Variants in MBD2 observed in about 807,000 individuals in gnomAD.
The protein encoded by MBD2 is methyl-CpG-binding domain protein 2.
A neutral mutation model predicts 39.3 loss-of-function variants in MBD2; 9 were observed. The observed-to-expected ratio is 0.23, with a 90% CI of 0.14 to 0.40. MBD2 has a LOEUF of 0.40. Among genes scored for constraint, MBD2 ranks in the 10% least tolerant of loss-of-function variants. The pLI is 1.00. For missense variants in MBD2, 458 were observed against 532.6 expected (o/e 0.86, Z 1.38); for synonymous variants, 233 against 211.1 (o/e 1.10, Z -0.90).
chr18:54,215,594 CA>C (rs1183514869), intron 1 of MBD2, among the ~76,000 whole-genome samples: 1 of 150,636 alleles, frequency 6.6e-6, no homozygotes, highest in East Asian at 2.0e-4. Flanking sequence ...CTCCCTGGTT[CA>C]AGCAATTCTC....
chr18:54,158,504 G>T (rs954137190), intron 6 of MBD2, among the ~76,000 whole-genome samples: 1 of 152,154 alleles, frequency 6.6e-6, no homozygotes. Context: ...GATGGAAGCC[G>T]GGAAGCAAGA....
At chr18:54,187,175 A>T (rs1011276430) in intron 3 of MBD2, among the ~76,000 whole-genome samples, 3 of 152,210 alleles carry the variant, frequency 2.0e-5, no homozygotes, top group Non-Finnish European at 4.4e-5. Context: ...TAAATAAAAC[A>T]TTTGGGTTTA....
intron 1 of MBD2, among the ~76,000 whole-genome samples, chr18:54,206,669 A>G (rs1026448891): frequency 6.7e-6 from 1 of 149,768 alleles, no homozygotes; most frequent in Non-Finnish European, 1.5e-5. Flanking sequence ...TGCTATCAAC[A>G]TTCTTTTTCC....
intron 2 of MBD2, among the ~76,000 whole-genome samples, chr18:54,202,052 A>C (rs530936433): frequency 3.3e-5 from 5 of 152,078 alleles, no homozygotes; most frequent in Non-Finnish European, 7.4e-5. Context: ...AGAGTTTAAA[A>C]ACAAAACATG....
chr18:54,158,178 C>T (rs976795381), intron 6 of MBD2, among the ~76,000 whole-genome samples: 2 of 152,078 alleles, frequency 1.3e-5, no homozygotes, highest in African/African-American at 4.8e-5. Context: ...ACTAGGTTCA[C>T]CACCCACACA....
intron 6 of MBD2, among the ~76,000 whole-genome samples, chr18:54,158,105 C>T (rs1326591584): frequency 6.6e-6 from 1 of 152,140 alleles, no homozygotes; most frequent in Non-Finnish European, 1.5e-5. Context: ...GTGATTCCTG[C>T]TAATTTTCAT....
intron 2 of MBD2, among the ~76,000 whole-genome samples, chr18:54,200,540 A>G (rs1187518967): frequency 6.6e-6 from 1 of 152,206 alleles, no homozygotes; most frequent in Admixed American, 6.5e-5. Context: ...CAATTTTAGT[A>G]TCATCTTGCC....
At chr18:54,178,798 A>G (rs571587786) in intron 3 of MBD2, among the ~76,000 whole-genome samples, 2 of 152,296 alleles carry the variant, frequency 1.3e-5, no homozygotes, top group South Asian at 4.1e-4. Context: ...TTTGGATACT[A>G]CCAATATCAG....
At chr18:54,202,953 G>C (rs1360137976) in intron 2 of MBD2, 2 of 985,226 alleles carry the variant, frequency 2.0e-6, no homozygotes. Context: ...CCCAGAGATG[G>C]AGACAATGAA....
At chr18:54,223,988 G>T in intron 1 of MBD2, 30 bp downstream of exon 1, 3 of 452,954 alleles carry the variant, frequency 6.6e-6, no homozygotes, top group Non-Finnish European at 7.4e-6. Flanking sequence ...GCCTGACCCC[G>T]CCACCCCCTC....
At position 54,224,578 on chromosome 18, in the gene MBD2, G is replaced by C. The variant is rs1443382659; in HGVS notation, c.-19C>G. 3.3e-6 allele frequency: 4 copies of C among 1,209,436 alleles called. No individual in the cohort carries two copies. Among genetic ancestry groups the C allele is most frequent in the Admixed American group, 4.3e-5 (1 of 23,160 alleles). The allele number at this position is 1,209,436 out of a possible 1,614,324, so 74.9% of individuals were successfully genotyped here. A position where few individuals can be genotyped will look rare whatever the true frequency, so the allele number is the denominator to read the frequency against. ...CGCGCATCCAGCCCCCTCCCCAGCCGGCGCTGCGCTTCTTCCGTAACCGAG... is the reference window on the plus strand; with the variant it reads ...CGCGCATCCAGCCCCCTCCCCAGCCCGCGCTGCGCTTCTTCCGTAACCGAG... On this transcript the variant is annotated 5_prime_UTR_variant, in exon 1 of 7. Transcript: ENST00000256429.
chr18:54,163,856 G>C (rs1172547139), intron 5 of MBD2, among the ~76,000 whole-genome samples: 12 of 151,848 alleles, frequency 7.9e-5, no homozygotes, highest in Non-Finnish European at 1.5e-5. Context: ...GAGGCAATCA[G>C]AAAAGGCATA....
At chr18:54,166,802 T>C (rs1269263976) in intron 3 of MBD2, among the ~76,000 whole-genome samples, 1 of 152,250 alleles carries the variant, frequency 6.6e-6, no homozygotes, top group East Asian at 1.9e-4. Flanking sequence ...ATTACGGGCA[T>C]CAGTGAGTAC....
chr18:54,189,745 G>A (rs1056267634), intron 2 of MBD2, among the ~76,000 whole-genome samples: 7 of 151,964 alleles, frequency 4.6e-5, no homozygotes, highest in Admixed American at 2.0e-4. Flanking sequence ...GACCTCCTGG[G>A]CTCAAGCAAT....
In MBD2 at chr18:54,159,889, C is replaced by A; in HGVS notation, c.1124G>T (p.Arg375Leu). 1.9e-6 allele frequency: 3 copies of A among 1,612,244 alleles called. No homozygotes were observed. Among genetic ancestry groups the A allele is most frequent in the Non-Finnish European group, 1.7e-6 (2 of 1,180,006 alleles). ...TDEDIRKQEERVQQVRKKLEE... is the reference protein window; with the variant it reads ...TDEDIRKQEELVQQVRKKLEE... The stretch of plus-strand genomic sequence containing the variant: ...CAATTTCTTGCGTACTTGCTGTACT[C>A]GCTCTTCCTGTTTCCTTTTTAAAAA... Residue 375 changes from arginine to leucine, a missense_variant, in exon 6 of 7, where the codon CGA becomes CTA. Arg to Leu is a moderately radical substitution (Grantham distance 102, BLOSUM62 -2). This residue lies in a region of MBD2 where 189 missense variants were observed against 296.6 expected (regional missense o/e 0.64). Coordinates refer to ENST00000256429, the MANE Select transcript of MBD2 (RefSeq NM_003927.5).
At chr18:54,175,476 C>T (rs1044641012) in intron 3 of MBD2, among the ~76,000 whole-genome samples, 1 of 152,234 alleles carries the variant, frequency 6.6e-6, no homozygotes, top group Non-Finnish European at 1.5e-5. Context: ...CTACCTCCTC[C>T]TCATCTTGCC....
chr18:54,223,373 C>T (rs1031655188), intron 1 of MBD2, among the ~76,000 whole-genome samples: 6 of 152,316 alleles, frequency 3.9e-5, no homozygotes, highest in African/African-American at 1.4e-4. Flanking sequence ...CCTCTACCCA[C>T]TAGATGCCAG....
intron 3 of MBD2, among the ~76,000 whole-genome samples, chr18:54,179,421 C>T (rs966407002): frequency 6.6e-6 from 1 of 152,022 alleles, no homozygotes; most frequent in Admixed American, 6.6e-5. Flanking sequence ...AAGAAAAGTA[C>T]AAGTCAATTT....
At chr18:54,157,263 ATTTT>A (rs113156706) in intron 6 of MBD2, among the ~76,000 whole-genome samples, 1 of 143,948 alleles carries the variant, frequency 6.9e-6, no homozygotes, top group Admixed American at 7.0e-5. Context: ...GATTGAAATG[ATTTT>A]TTTTTTTTTT....
Sources: allele counts gnomAD v4.1 joint callset (sites outside exome capture counted in the v4.1 genomes callset), GRCh38; gene constraint gnomAD v4.1.1; regional missense constraint gnomAD v4.1.1; transcripts MANE v1.5; gene names NCBI Gene and HGNC (gene_info 2026-07-23, HGNC 2026-07-21).